The following CPNE4 variants were observed in gnomAD, a reference collection of about 807,000 sequenced individuals.
CPNE4 encodes copine 4.
In CPNE4, 25 loss-of-function variants were observed where a neutral mutation model predicts 67.9. The ratio of observed to expected loss-of-function variants is 0.37; its 90% CI spans 0.27 to 0.51. CPNE4 has a LOEUF of 0.51. Among genes scored for constraint, CPNE4 ranks in the 20% least tolerant of loss-of-function variants. CPNE4 has a pLI of 0.93. For synonymous variants in CPNE4, 242 were observed against 244.9 expected, an observed-to-expected ratio of 0.99 and a Z score of 0.11; for missense variants, 464 against 690.8, an observed-to-expected ratio of 0.67 and a Z score of 3.68.
At chr3:131,926,801 A>T (rs2070907899) in intron 1 of CPNE4, among the ~76,000 whole-genome samples, 1 of 152,142 alleles carries the variant, frequency 6.6e-6, no homozygotes, top group African/African-American at 2.4e-5. Flanking sequence ...TTAATACCCT[A>T]GAGAAAGGTG....
chr3:131,623,817 TAAA>T (rs1940598572), intron 7 of CPNE4, among the ~76,000 whole-genome samples: 4 of 152,234 alleles, frequency 2.6e-5, no homozygotes, highest in Admixed American at 1.3e-4. Context: ...AGGTGATAGC[TAAA>T]CCAGTTCAGT....
At chr3:132,011,853 C>T (rs2073771597) in intron 1 of CPNE4, among the ~76,000 whole-genome samples, 1 of 152,188 alleles carries the variant, frequency 6.6e-6, no homozygotes, top group East Asian at 1.9e-4. Context: ...GTTCTACAGG[C>T]AACCTTATTA....
At chr3:131,656,701 G>C (rs2079979025) in intron 7 of CPNE4, among the ~76,000 whole-genome samples, 1 of 152,140 alleles carries the variant, frequency 6.6e-6, no homozygotes. Flanking sequence ...TTTCAGTAGA[G>C]GACTCAAACT....
chr3:131,930,102 T>C (rs1209487209), intron 1 of CPNE4, among the ~76,000 whole-genome samples: 1 of 152,176 alleles, frequency 6.6e-6, no homozygotes, highest in African/African-American at 2.4e-5. Flanking sequence ...GTTAAAGTAT[T>C]GGCACTTTCC....
chr3:132,023,480 T>A (rs1023395780), intron 1 of CPNE4, among the ~76,000 whole-genome samples: 2 of 12,282 alleles, frequency 1.6e-4, no homozygotes, highest in African/African-American at 1.8e-3. Flanking sequence ...CAGATCAGCC[T>A]TTTTTTTTTT....
At chr3:131,620,221 T>A (rs1940389357) in intron 7 of CPNE4, among the ~76,000 whole-genome samples, 1 of 152,186 alleles carries the variant, frequency 6.6e-6, no homozygotes, top group Non-Finnish European at 1.5e-5. Context: ...AAGCCAACTA[T>A]CATGTTCCTG....
At chr3:131,778,546 A>G (rs1276579895) in intron 2 of CPNE4, among the ~76,000 whole-genome samples, 1 of 152,110 alleles carries the variant, frequency 6.6e-6, no homozygotes, top group Non-Finnish European at 1.5e-5. Flanking sequence ...GAGGGTATAA[A>G]TGGTAGACTT....
chr3:131,546,107 C>A (rs1363845798), intron 14 of CPNE4, among the ~76,000 whole-genome samples: 1 of 152,020 alleles, frequency 6.6e-6, no homozygotes, highest in Non-Finnish European at 1.5e-5. Flanking sequence ...AAAACCACTT[C>A]TGAGAAGGGA....
At chr3:131,593,689 T>C (rs1275667200) in intron 7 of CPNE4, among the ~76,000 whole-genome samples, 1 of 152,110 alleles carries the variant, frequency 6.6e-6, no homozygotes, top group East Asian at 1.9e-4. Context: ...TGGCTAGAAT[T>C]TCCAGGACTA....
At chr3:131,837,003 G>A (rs2085583173) in intron 2 of CPNE4, among the ~76,000 whole-genome samples, 1 of 152,118 alleles carries the variant, frequency 6.6e-6, no homozygotes, top group Non-Finnish European at 1.5e-5. Flanking sequence ...TTAGGAATAT[G>A]CAAATTAAAG....
chr3:131,998,245 C>G (rs1412319206), intron 1 of CPNE4, among the ~76,000 whole-genome samples: 1 of 152,126 alleles, frequency 6.6e-6, no homozygotes, highest in African/African-American at 2.4e-5. Flanking sequence ...TCCTGGATAA[C>G]AATCCATGAG....
At chr3:131,727,443 C>T (rs1273288124) in intron 2 of CPNE4, among the ~76,000 whole-genome samples, 7 of 151,250 alleles carry the variant, frequency 4.6e-5, no homozygotes, top group South Asian at 2.1e-4. Flanking sequence ...CCAGCCTGGG[C>T]GACAGAGCAA....
intron 6 of CPNE4, among the ~76,000 whole-genome samples, chr3:131,678,388 T>G (rs1439243413): frequency 3.3e-5 from 5 of 152,088 alleles, no homozygotes; most frequent in Non-Finnish European, 7.4e-5. Context: ...CAAACAGGGA[T>G]AGTTAGACTT....
chr3:131,842,879 A>G (rs924369989), intron 2 of CPNE4, among the ~76,000 whole-genome samples: 3 of 152,204 alleles, frequency 2.0e-5, no homozygotes, highest in Non-Finnish European at 4.4e-5. Flanking sequence ...GTGTTCCACG[A>G]TAGGAAAAAT....
chr3:131,709,227 A>G (rs768943569), intron 3 of CPNE4, among the ~76,000 whole-genome samples: 5 of 152,056 alleles, frequency 3.3e-5, no homozygotes, highest in Middle Eastern at 6.8e-3. Context: ...TTGCATACAG[A>G]AAAACAATAA....
intron 7 of CPNE4, among the ~76,000 whole-genome samples, chr3:131,631,167 C>A (rs61636257): frequency 0.28 from 41,984 of 152,096 alleles, 9,533 homozygotes; most frequent in African/African-American, 0.63. Flanking sequence ...AAAATTAAAT[C>A]CATTTTTTAT....
chr3:131,587,516 T>G lies in CPNE4; in HGVS notation c.748A>C (p.Lys250Gln). 1.2e-6 allele frequency: 2 copies of G among 1,613,830 alleles called. No homozygotes were observed. Among genetic ancestry groups the G allele is most frequent in the Non-Finnish European group, 1.7e-6 (2 of 1,179,740 alleles). Residue 250 changes from lysine to glutamine, a missense_variant, in exon 8 of 16, where the codon AAG becomes CAG. This residue lies in a region of CPNE4 where 26 missense variants were observed against 24.0 expected (regional missense o/e 1.08). Transcript: ENST00000429747. ...CCTTCCATTGCTCCTCTCATCTCCTTGAATGTCGAGGTGAATTCTCCAATG... is the reference window on the plus strand; with the variant it reads ...CCTTCCATTGCTCCTCTCATCTCCTGGAATGTCGAGGTGAATTCTCCAATG... ...DFIGEFTSTF[K>Q]EMRGAMEGKQ...
chr3:131,657,523 ATTATCTGTATTTT>A (rs1344091294), intron 7 of CPNE4, among the ~76,000 whole-genome samples: 1 of 139,824 alleles, frequency 7.2e-6, no homozygotes, highest in African/African-American at 2.7e-5. Context: ...AAAGCCTAGA[ATTATCTGTATTTT>A]TTTTTTTTTT....
intron 7 of CPNE4, among the ~76,000 whole-genome samples, chr3:131,644,956 A>C (rs73871334): frequency 0.022 from 3,313 of 152,330 alleles, 109 homozygotes; most frequent in African/African-American, 0.075. Flanking sequence ...AGAGGAGACC[A>C]AGAGTAATGT....
Sources: allele counts gnomAD v4.1 joint callset (sites outside exome capture counted in the v4.1 genomes callset), GRCh38; gene constraint gnomAD v4.1.1; regional missense constraint gnomAD v4.1.1; transcripts MANE v1.5; gene names NCBI Gene and HGNC (gene_info 2026-07-23, HGNC 2026-07-21).